ADCY8: variants seen among roughly 807,000 people sequenced by gnomAD.
ADCY8 encodes adenylate cyclase type 8.
ADCY8 carries 51 observed loss-of-function variants against 119.7 expected under a neutral mutation model. That is an observed-to-expected ratio of 0.43 (90% CI 0.34 to 0.54). The LOEUF is 0.54. ADCY8 is among the 20% of genes least tolerant of loss of function. The pLI is 0.03. For missense variants in ADCY8, 1,383 were observed against 1,598.8 expected (o/e 0.87, Z 2.30); for synonymous variants, 665 against 651.0 (o/e 1.02, Z -0.33).
At chr8:131,035,098 C>T (rs758348867) in intron 1 of ADCY8, among the ~76,000 whole-genome samples, 1 of 152,038 alleles carries the variant, frequency 6.6e-6, no homozygotes, top group African/African-American at 2.4e-5. Context: ...GTGGATAAAT[C>T]GAATTGGTGA....
At chr8:130,822,527 A>C (rs1816542135) in intron 12 of ADCY8, among the ~76,000 whole-genome samples, 1 of 139,250 alleles carries the variant, frequency 7.2e-6, no homozygotes, top group Admixed American at 7.4e-5. Context: ...TGAATCCATG[A>C]ATCCATGAAT....
Position 130,785,366 on chromosome 8 carries a change from T to C in ADCY8, c.3153+17A>G. 2 of 1,586,068 alleles carry C rather than the reference T, an allele frequency of 1.3e-6. No individual in the cohort carries two copies. The highest frequency in any genetic ancestry group is 1.7e-6 in the Non-Finnish European group (2 of 1,163,096). ...GACCCCACCATGCATTGTGGCTGAG[T>C]CCAAAGAGTCCTTTACCTGTTTTTC... On this transcript the variant is annotated intron_variant, in intron 16 of 17. Transcript: ENST00000286355.
At chr8:130,933,238 T>C (rs12114354) in intron 5 of ADCY8, among the ~76,000 whole-genome samples, 15,510 of 152,184 alleles carry the variant, frequency 0.1, 1,555 homozygotes, top group African/African-American at 0.26. Context: ...ATATATGCAA[T>C]ATAATATTAT....
chr8:130,954,286 T>A (rs6415525), intron 2 of ADCY8, among the ~76,000 whole-genome samples: 149,766 of 152,326 alleles, frequency 0.98, 73,636 homozygotes, highest in African/African-American at 1. Context: ...GCAGCACATA[T>A]AATGATCCAA....
chr8:130,848,278 C>T (rs773101020), intron 10 of ADCY8, among the ~76,000 whole-genome samples: 4 of 152,144 alleles, frequency 2.6e-5, no homozygotes, highest in Non-Finnish European at 5.9e-5. Context: ...CCCTGACCTA[C>T]AGTCATTGGG....
chr8:130,793,016 T>C (rs943719443), intron 15 of ADCY8, among the ~76,000 whole-genome samples: 4 of 152,094 alleles, frequency 2.6e-5, no homozygotes, highest in African/African-American at 9.7e-5. Context: ...CCCAAGTCTT[T>C]CCCTGTCTAA....
intron 2 of ADCY8, among the ~76,000 whole-genome samples, chr8:130,983,637 T>G (rs1438627328): frequency 6.6e-6 from 1 of 152,172 alleles, no homozygotes; most frequent in Non-Finnish European, 1.5e-5. Context: ...TGGGCTGTGA[T>G]GCAGGGTAAA....
chr8:130,991,999 T>C (rs374631607), intron 1 of ADCY8, among the ~76,000 whole-genome samples: 3 of 151,590 alleles, frequency 2.0e-5, no homozygotes, highest in Non-Finnish European at 4.4e-5. Flanking sequence ...ATCAGTAAAT[T>C]TGGAAATAGG....
At chr8:131,033,988 T>C (rs765644760) in intron 1 of ADCY8, among the ~76,000 whole-genome samples, 1 of 152,082 alleles carries the variant, frequency 6.6e-6, no homozygotes, top group Non-Finnish European at 1.5e-5. Flanking sequence ...TTTTAAAGCC[T>C]ATATGAATTT....
chr8:130,787,467 C>T (rs780754211), intron 15 of ADCY8, among the ~76,000 whole-genome samples: 5 of 151,318 alleles, frequency 3.3e-5, no homozygotes, highest in East Asian at 2.0e-4. Flanking sequence ...GTGCATATTG[C>T]GTGTGGGTGT....
At chr8:130,974,313 C>T (rs1277411227) in intron 2 of ADCY8, among the ~76,000 whole-genome samples, 4 of 152,142 alleles carry the variant, frequency 2.6e-5, no homozygotes, top group Non-Finnish European at 5.9e-5. Context: ...ATGGCTCTAG[C>T]TAGAGACACT....
intron 1 of ADCY8, among the ~76,000 whole-genome samples, chr8:131,017,411 A>G (rs1823514391): frequency 6.6e-6 from 1 of 152,150 alleles, no homozygotes; most frequent in African/African-American, 2.4e-5. Flanking sequence ...CAGCAGTCGG[A>G]GCTAGATGGC....
intron 15 of ADCY8, among the ~76,000 whole-genome samples, chr8:130,786,361 T>G (rs1281781668): frequency 1.3e-5 from 2 of 152,188 alleles, no homozygotes; most frequent in African/African-American, 4.8e-5. Context: ...GAGGGAAACC[T>G]TGGTGTCTTA....
intron 8 of ADCY8, among the ~76,000 whole-genome samples, chr8:130,881,354 A>G (rs1446503689): frequency 6.6e-6 from 1 of 152,170 alleles, no homozygotes; most frequent in Non-Finnish European, 1.5e-5. Context: ...GGAATGTGTG[A>G]ATGATATTTC....
At chr8:130,790,459 C>A (rs1202903558) in intron 15 of ADCY8, among the ~76,000 whole-genome samples, 1 of 152,148 alleles carries the variant, frequency 6.6e-6, no homozygotes, top group South Asian at 2.1e-4. Flanking sequence ...ACCTGCATGT[C>A]AAAGTTCGCT....
chr8:130,921,113 T>A (rs1349373040), intron 5 of ADCY8, among the ~76,000 whole-genome samples: 3 of 152,234 alleles, frequency 2.0e-5, no homozygotes, highest in Non-Finnish European at 2.9e-5. Flanking sequence ...TAACATTTTC[T>A]TTTCTAGTTC....
At chr8:130,989,624 C>T (rs1216831731) in intron 2 of ADCY8, among the ~76,000 whole-genome samples, 2 of 152,134 alleles carry the variant, frequency 1.3e-5, no homozygotes, top group African/African-American at 2.4e-5. Context: ...GTTTTCAACA[C>T]ATACTTGATA....
chr8:130,824,356 A>C (rs1403289998), intron 12 of ADCY8, among the ~76,000 whole-genome samples: 1 of 152,176 alleles, frequency 6.6e-6, no homozygotes, highest in Admixed American at 6.5e-5. Flanking sequence ...ATTCTAGAAA[A>C]AAAATCCAAG....
At chr8:131,033,716 G>C (rs779393553) in intron 1 of ADCY8, among the ~76,000 whole-genome samples, 6 of 151,804 alleles carry the variant, frequency 4.0e-5, no homozygotes, top group Non-Finnish European at 7.4e-5. Context: ...CATTTCAGCA[G>C]TCATTAAGAT....
Sources: allele counts gnomAD v4.1 joint callset (sites outside exome capture counted in the v4.1 genomes callset), GRCh38; gene constraint gnomAD v4.1.1; transcripts MANE v1.5; gene names NCBI Gene and HGNC (gene_info 2026-07-23, HGNC 2026-07-21).